Variants in LRP1B observed in about 807,000 individuals in gnomAD.
The protein encoded by LRP1B is low-density lipoprotein receptor-related protein 1B.
LRP1B carries 217 observed loss-of-function variants against 556.6 expected under a neutral mutation model. That is an observed-to-expected ratio of 0.39 (90% confidence interval 0.35 to 0.44). The LOEUF (loss-of-function observed/expected upper bound fraction) is 0.44. Among genes scored for constraint, LRP1B ranks in the 20% least tolerant of loss-of-function variants. The pLI, the probability that LRP1B is intolerant of heterozygous loss-of-function variation, is 1.00. For synonymous variants in LRP1B, 2,047 were observed against 1,865.8 expected (o/e 1.10, Z -2.50); for missense variants, 5,053 against 5,620.8 (o/e 0.90, Z 3.23).
intron 41 of LRP1B, among the ~76,000 whole-genome samples, chr2:140,680,073 G>A (rs774563385): frequency 9.9e-5 from 15 of 151,874 alleles, no homozygotes; most frequent in Non-Finnish European, 1.9e-4. Flanking sequence ...GACACCCTAC[G>A]TCTGATCCAA....
At chr2:140,463,333 C>T (rs1687401615) in intron 60 of LRP1B, among the ~76,000 whole-genome samples, 1 of 152,158 alleles carries the variant, frequency 6.6e-6, no homozygotes, top group Non-Finnish European at 1.5e-5. Context: ...CTTTATATAA[C>T]CTTAGGGCCA....
intron 47 of LRP1B, among the ~76,000 whole-genome samples, chr2:140,530,064 T>TA (rs1207676347): frequency 2.0e-5 from 3 of 152,092 alleles, no homozygotes; most frequent in Non-Finnish European, 4.4e-5. Context: ...TTGTGAAATT[T>TA]AAAAAACAGT....
chr2:140,884,366 T>G lies in LRP1B; in HGVS notation c.3965-345A>C, dbSNP rs567892582. 6.6e-5 allele frequency among the ~76,000 whole-genome samples: 10 copies of G among 152,272 alleles called. No individual in the cohort carries two copies. In the East Asian group the frequency reaches 1.7e-3, roughly 26 times the overall value. ...GAGCAAAGGATTTTGGAAACAATAA[T>G]GATATTCTGGTTAAAATCAGTGCAA... On this transcript the variant is annotated intron_variant, in intron 24 of 90. Coordinates refer to ENST00000389484, the MANE Select transcript of LRP1B (RefSeq NM_018557.3).
intron 1 of LRP1B, among the ~76,000 whole-genome samples, chr2:142,126,505 C>T (rs575515287): frequency 2.5e-4 from 38 of 151,818 alleles, no homozygotes; most frequent in African/African-American, 8.9e-4. Flanking sequence ...CTTAGTTTGA[C>T]GAATGATATC....
chr2:140,488,444 G>T (rs1688567138), intron 57 of LRP1B, among the ~76,000 whole-genome samples: 1 of 151,938 alleles, frequency 6.6e-6, no homozygotes, highest in Admixed American at 6.6e-5. Context: ...GCATTTTTTA[G>T]CAGGCAGCAA....
intron 31 of LRP1B, among the ~76,000 whole-genome samples, chr2:140,838,004 G>A (rs2105090786): frequency 6.6e-6 from 1 of 151,650 alleles, no homozygotes; most frequent in East Asian, 1.9e-4. Flanking sequence ...ATTGTGAATA[G>A]GTAACATGAG....
intron 31 of LRP1B, among the ~76,000 whole-genome samples, chr2:140,826,312 C>T (rs1301397708): frequency 2.0e-5 from 3 of 152,144 alleles, no homozygotes; most frequent in Admixed American, 6.6e-5. Flanking sequence ...CCTGTTCTCC[C>T]CATGTCTGTG....
At chr2:141,778,142 TTATTAA>T (rs1188717516) in intron 2 of LRP1B, among the ~76,000 whole-genome samples, 1 of 152,170 alleles carries the variant, frequency 6.6e-6, no homozygotes, top group Non-Finnish European at 1.5e-5. Flanking sequence ...AAGTTTGCTG[TTATTAA>T]TATTAATATT....
intron 43 of LRP1B, among the ~76,000 whole-genome samples, chr2:140,595,444 A>T (rs933296866): frequency 1.3e-5 from 2 of 152,086 alleles, no homozygotes; most frequent in African/African-American, 4.8e-5. Context: ...CAGAACAAGG[A>T]AAGATTGAGA....
chr2:141,079,148 A>G (rs1019716923), intron 7 of LRP1B, among the ~76,000 whole-genome samples: 2 of 152,192 alleles, frequency 1.3e-5, no homozygotes, highest in Non-Finnish European at 2.9e-5. Context: ...CATCATTTGC[A>G]AGTATAAAAA....
At chr2:141,038,456 A>T (rs371487642) in intron 11 of LRP1B, among the ~76,000 whole-genome samples, 1 of 152,248 alleles carries the variant, frequency 6.6e-6, no homozygotes, top group East Asian at 1.9e-4. Flanking sequence ...AAGATTACTG[A>T]GTACATTTTA....
chr2:140,577,874 A>G (rs951063760), intron 43 of LRP1B, among the ~76,000 whole-genome samples: 2 of 152,326 alleles, frequency 1.3e-5, no homozygotes, highest in East Asian at 1.9e-4. Flanking sequence ...ATCTAATTAT[A>G]TTGCTTAAAA....
intron 3 of LRP1B, among the ~76,000 whole-genome samples, chr2:141,256,404 C>T (rs905343575): frequency 1.7e-4 from 26 of 151,864 alleles, no homozygotes; most frequent in Non-Finnish European, 3.1e-4. Context: ...ACTGGAATTG[C>T]TGTTTGGAGC....
At chr2:141,725,552 CGTT>C (rs1434776924) in intron 2 of LRP1B, among the ~76,000 whole-genome samples, 6 of 151,872 alleles carry the variant, frequency 4.0e-5, no homozygotes, top group African/African-American at 9.6e-5. Context: ...TTTTATTAGT[CGTT>C]GTGGGTATTT....
chr2:141,959,315 G>T (rs1216849718), intron 1 of LRP1B, among the ~76,000 whole-genome samples: 1 of 151,946 alleles, frequency 6.6e-6, no homozygotes, highest in Non-Finnish European at 1.5e-5. Flanking sequence ...GCTGCCCAAA[G>T]CAAGGACTTT....
intron 43 of LRP1B, among the ~76,000 whole-genome samples, chr2:140,571,371 G>A (rs181120162): frequency 1.7e-3 from 262 of 151,646 alleles, no homozygotes; most frequent in African/African-American, 6.2e-3. Context: ...CCAACAACAA[G>A]CTAACTGAAA....
chr2:141,083,099 G>A (rs1057046764), intron 7 of LRP1B, among the ~76,000 whole-genome samples: 1 of 152,152 alleles, frequency 6.6e-6, no homozygotes, highest in African/African-American at 2.4e-5. Flanking sequence ...TGGGAGAAAG[G>A]TGGAAGAATA....
intron 3 of LRP1B, among the ~76,000 whole-genome samples, chr2:141,474,766 G>A (rs1156680034): frequency 1.3e-5 from 2 of 151,980 alleles, no homozygotes; most frequent in Admixed American, 6.6e-5. Context: ...GTTCAGAATA[G>A]AAAAACAAAA....
intron 2 of LRP1B, among the ~76,000 whole-genome samples, chr2:141,589,883 G>A (rs1011315002): frequency 3.9e-5 from 6 of 152,038 alleles, no homozygotes; most frequent in Non-Finnish European, 8.8e-5. Flanking sequence ...TCTGGAGAAA[G>A]GCAATAAAGT....
Sources: allele counts gnomAD v4.1 joint callset (sites outside exome capture counted in the v4.1 genomes callset), GRCh38; gene constraint gnomAD v4.1.1; transcripts MANE v1.5; gene names NCBI Gene and HGNC (gene_info 2026-07-23, HGNC 2026-07-21).